Variants in PSEN1 observed in about 807,000 individuals in gnomAD.
PSEN1 encodes the protein presenilin-1.
Under a neutral mutation model 53.5 loss-of-function variants are expected in PSEN1, and 15 were observed. That is an observed-to-expected ratio of 0.28 (90% CI 0.19 to 0.43). The LOEUF (loss-of-function observed/expected upper bound fraction) is 0.43, where lower values mean the gene tolerates loss of function less well. PSEN1 is among the 20% of genes least tolerant of loss of function. PSEN1 has a pLI of 1.00. For synonymous variants in PSEN1, 208 were observed against 209.8 expected (o/e 0.99, Z 0.08); for missense variants, 387 against 571.2 (o/e 0.68, Z 3.29).
chr14:73,144,275 T>C (rs1897008221), intron 1 of PSEN1, among the ~76,000 whole-genome samples: 1 of 151,992 alleles, frequency 6.6e-6, no homozygotes, highest in South Asian at 2.1e-4. Flanking sequence ...CTCCTGACCT[T>C]GTGATCTGCC....
At chr14:73,208,825 A>G (rs1899558836) in intron 9 of PSEN1, 1 of 454,436 alleles carries the variant, frequency 2.2e-6, no homozygotes, top group Non-Finnish European at 4.4e-6. Context: ...TCCGCCTAGG[A>G]GCCTGTCTGC....
At chr14:73,137,685 G>A (rs560091980) in intron 1 of PSEN1, among the ~76,000 whole-genome samples, 65 of 152,326 alleles carry the variant, frequency 4.3e-4, no homozygotes, top group Middle Eastern at 3.4e-3. Flanking sequence ...CAGAGCTGAG[G>A]AAGGGGAGGG....
At chr14:73,141,801 C>G (rs1333610431) in intron 1 of PSEN1, among the ~76,000 whole-genome samples, 1 of 151,416 alleles carries the variant, frequency 6.6e-6, no homozygotes, top group Non-Finnish European at 1.5e-5. Context: ...GGTGCCGTGG[C>G]TCACGCCTGT....
Position 73,173,674 on chromosome 14 carries a change from C to T in PSEN1, c.447C>T (p.Leu149=). 6.2e-7 allele frequency: 1 copy of T among 1,614,084 alleles called. No individual in the cohort carries two copies. Among genetic ancestry groups the T allele is most frequent in the South Asian group, 1.1e-5 (1 of 91,080 alleles). ...GTGTCATTGTTGTCATGACTATCCTCCTGGTGGTTCTGTATAAATACAGGT... is the reference window on the plus strand; with the variant it reads ...GTGTCATTGTTGTCATGACTATCCTTCTGGTGGTTCTGTATAAATACAGGT... The part of the protein sequence containing the change: ...MISVIVVMTI[L]LVVLYKYRCY... The change falls in exon 5 of 12, where the codon CTC becomes CTT. Residue 149 remains leucine, a synonymous_variant. Coordinates refer to ENST00000324501, the MANE Select transcript of PSEN1 (RefSeq NM_000021.4).
chr14:73,164,708 G>T (rs1276598345), intron 3 of PSEN1, among the ~76,000 whole-genome samples: 1 of 152,044 alleles, frequency 6.6e-6, no homozygotes, highest in Non-Finnish European at 1.5e-5. Context: ...GTGTCACTGG[G>T]GTAAACCCAA....
At chr14:73,171,164 T>A (rs1044806294) in intron 4 of PSEN1, 117 bp downstream of exon 4, 1 of 1,255,218 alleles carries the variant, frequency 8.0e-7, no homozygotes, top group South Asian at 1.3e-5. Context: ...GGAGAGCCCA[T>A]CCTCTGTGAT....
At chr14:73,212,448 C>A (rs1476717595) in intron 10 of PSEN1, among the ~76,000 whole-genome samples, 1 of 151,968 alleles carries the variant, frequency 6.6e-6, no homozygotes. Context: ...ACAGCCTGAC[C>A]TTTTGGCATT....
At chr14:73,214,270 C>T (rs770968582) in intron 10 of PSEN1, among the ~76,000 whole-genome samples, 4 of 152,160 alleles carry the variant, frequency 2.6e-5, no homozygotes, top group Admixed American at 2.6e-4. Flanking sequence ...GGCTCAAGCA[C>T]CTGTAATCCC....
At chr14:73,158,314 A>ATCTG (rs1480618913) in intron 3 of PSEN1, among the ~76,000 whole-genome samples, 5 of 151,030 alleles carry the variant, frequency 3.3e-5, no homozygotes, top group African/African-American at 1.2e-4. Flanking sequence ...CTATCTATCT[A>ATCTG]TCTATCTATC....
chr14:73,184,476 C>T (rs1205659622), intron 5 of PSEN1, among the ~76,000 whole-genome samples: 4 of 100,502 alleles, frequency 4.0e-5, no homozygotes, highest in African/African-American at 7.2e-5. Context: ...CGGGCAGAGG[C>T]GCCCCTCACC....
chr14:73,160,216 T>C (rs1221443214), intron 3 of PSEN1: 1 of 156,844 alleles, frequency 6.4e-6, no homozygotes, highest in Non-Finnish European at 1.4e-5. Flanking sequence ...GGTTCATCTA[T>C]ATTGTAGCAT....
chr14:73,153,714 C>CTTT (rs773862128), intron 3 of PSEN1, among the ~76,000 whole-genome samples: 17 of 130,038 alleles, frequency 1.3e-4, no homozygotes, highest in African/African-American at 3.7e-4. Context: ...ATTTTCTTTC[C>CTTT]TTTTTTTTTT....
intron 5 of PSEN1, among the ~76,000 whole-genome samples, chr14:73,184,047 C>CG (rs1159214073): frequency 7.6e-6 from 1 of 131,608 alleles, no homozygotes; most frequent in African/African-American, 3.2e-5. Context: ...GCTGGCCAGG[C>CG]GGGGGGCTGA....
chr14:73,179,384 A>C (rs150538359), intron 5 of PSEN1, among the ~76,000 whole-genome samples: 2 of 152,344 alleles, frequency 1.3e-5, no homozygotes, highest in African/African-American at 4.8e-5. Flanking sequence ...TGGGAGGCCA[A>C]GGCGGGCAGA....
intron 5 of PSEN1, among the ~76,000 whole-genome samples, chr14:73,177,135 T>G (rs190384957): frequency 6.6e-6 from 1 of 152,356 alleles, no homozygotes; most frequent in East Asian, 1.9e-4. Context: ...CAGCCATGAC[T>G]CTCAGATGAT....
intron 3 of PSEN1, among the ~76,000 whole-genome samples, chr14:73,159,037 C>A (rs1897450174): frequency 6.6e-6 from 1 of 152,132 alleles, no homozygotes; most frequent in South Asian, 2.1e-4. Flanking sequence ...ATCTCTTGCC[C>A]ATTTAAAAAT....
At chr14:73,187,258 A>T (rs1898552304) in intron 6 of PSEN1, among the ~76,000 whole-genome samples, 1 of 152,234 alleles carries the variant, frequency 6.6e-6, no homozygotes, top group South Asian at 2.1e-4. Flanking sequence ...ATTGATTTTC[A>T]TACTTCTATA....
chr14:73,201,262 AT>A (rs984124654), intron 8 of PSEN1, among the ~76,000 whole-genome samples: 1 of 151,792 alleles, frequency 6.6e-6, no homozygotes, highest in Non-Finnish European at 1.5e-5. Flanking sequence ...TAATTTTTGT[AT>A]TTTTAGTAGC....
chr14:73,184,305 C>A (rs1595019168), intron 5 of PSEN1, among the ~76,000 whole-genome samples: 1 of 102,750 alleles, frequency 9.7e-6, no homozygotes, highest in African/African-American at 4.2e-5. Flanking sequence ...GGGGGGCTGA[C>A]CCCCCCACCT....
Sources: gnomAD v4.1 joint callset for allele counts (sites outside exome capture counted in the v4.1 genomes callset) on GRCh38, gnomAD v4.1.1 for gene constraint, MANE v1.5 for transcripts, NCBI Gene and HGNC (gene_info 2026-07-23, HGNC 2026-07-21) for gene names.